Variants in TSHZ2 observed in about 807,000 individuals in gnomAD.
TSHZ2 encodes the protein teashirt homolog 2.
TSHZ2 carries 21 observed loss-of-function variants against 74.4 expected under a neutral mutation model. The ratio of observed to expected loss-of-function variants is 0.28; its 90% CI spans 0.20 to 0.41. The LOEUF is 0.41. Among genes scored for constraint, TSHZ2 ranks in the 10% least tolerant of loss-of-function variants. The probability of loss-of-function intolerance (pLI) is 1.00; values close to 1 mark genes in which losing one functional copy is unlikely to be tolerated. For missense variants in TSHZ2, 1,244 were observed against 1,293.5 expected, an observed-to-expected ratio of 0.96 and a Z score of 0.59; for synonymous variants, 540 against 515.3, an observed-to-expected ratio of 1.05 and a Z score of -0.65.
At chr20:53,274,707 C>A (rs954045591) in intron 2 of TSHZ2, among the ~76,000 whole-genome samples, 1 of 152,314 alleles carries the variant, frequency 6.6e-6, no homozygotes, top group South Asian at 2.1e-4. Flanking sequence ...ATGGTTGAAC[C>A]AATACGAGCA....
chr20:53,331,161 G>A (rs1979707333), intron 2 of TSHZ2, among the ~76,000 whole-genome samples: 1 of 152,228 alleles, frequency 6.6e-6, no homozygotes. Flanking sequence ...TTTGGGAGAA[G>A]TATGAATACA....
intron 1 of TSHZ2, among the ~76,000 whole-genome samples, chr20:53,227,221 T>A (rs1314370677): frequency 6.6e-6 from 1 of 151,978 alleles, no homozygotes; most frequent in Non-Finnish European, 1.5e-5. Flanking sequence ...TCCTAGGAAA[T>A]ACTTCAAAGT....
chr20:53,181,911 T>C (rs1341447747), intron 1 of TSHZ2, among the ~76,000 whole-genome samples: 2 of 152,130 alleles, frequency 1.3e-5, no homozygotes, highest in African/African-American at 4.8e-5. Context: ...AGACTGAATT[T>C]AGCAAAACAT....
chr20:53,469,753 A>C (rs1040202178), intron 2 of TSHZ2, among the ~76,000 whole-genome samples: 1 of 118,540 alleles, frequency 8.4e-6, no homozygotes, highest in African/African-American at 3.2e-5. Context: ...AGGACCCAAG[A>C]AAGATAGAGA....
At chr20:53,337,125 T>C (rs1424396441) in intron 2 of TSHZ2, among the ~76,000 whole-genome samples, 1 of 152,224 alleles carries the variant, frequency 6.6e-6, no homozygotes, top group Non-Finnish European at 1.5e-5. Flanking sequence ...AGCTCACAGA[T>C]AGGAGCTGAA....
chr20:53,148,741 G>A (rs1415035328), intron 1 of TSHZ2, among the ~76,000 whole-genome samples: 1 of 152,124 alleles, frequency 6.6e-6, no homozygotes, highest in Non-Finnish European at 1.5e-5. Context: ...AACATAAAAG[G>A]CAGGTTATTA....
At chr20:53,294,313 C>T (rs957347037) in intron 2 of TSHZ2, among the ~76,000 whole-genome samples, 2 of 152,184 alleles carry the variant, frequency 1.3e-5, no homozygotes, top group African/African-American at 2.4e-5. Context: ...GCTTGATTTA[C>T]TAGTTGAGAT....
chr20:53,290,177 G>T (rs929260047), intron 2 of TSHZ2, among the ~76,000 whole-genome samples: 1 of 151,938 alleles, frequency 6.6e-6, no homozygotes, highest in Non-Finnish European at 1.5e-5. Context: ...TCAACAGGAC[G>T]TGCTCTCTTC....
At chr20:53,099,306 T>A (rs1367401960) in intron 1 of TSHZ2, among the ~76,000 whole-genome samples, 2 of 152,176 alleles carry the variant, frequency 1.3e-5, no homozygotes, top group African/African-American at 4.8e-5. Context: ...TAAACCCTAT[T>A]ATTATTATCA....
At chr20:53,087,576 A>C (rs964366597) in intron 1 of TSHZ2, among the ~76,000 whole-genome samples, 2 of 152,212 alleles carry the variant, frequency 1.3e-5, no homozygotes, top group Non-Finnish European at 2.9e-5. Context: ...CGTTACTCAT[A>C]ATCATGCTTC....
At chr20:53,237,397 T>A (rs1408671675) in intron 1 of TSHZ2, among the ~76,000 whole-genome samples, 2 of 152,194 alleles carry the variant, frequency 1.3e-5, no homozygotes, top group Non-Finnish European at 2.9e-5. Flanking sequence ...TATTCTCTGG[T>A]CTTTCACTCC....
At chr20:53,086,959 T>C (rs1678971722) in intron 1 of TSHZ2, among the ~76,000 whole-genome samples, 2 of 152,048 alleles carry the variant, frequency 1.3e-5, no homozygotes, top group South Asian at 4.2e-4. Flanking sequence ...GCCAAGAAGA[T>C]GGTAGAGGAA....
chr20:53,470,077 G>C (rs905221308), intron 2 of TSHZ2, among the ~76,000 whole-genome samples: 5 of 152,140 alleles, frequency 3.3e-5, no homozygotes, highest in African/African-American at 7.2e-5. Flanking sequence ...GTTCTTTCTG[G>C]TTTATTTTGT....
chr20:53,203,721 T>C (rs1989068236), intron 1 of TSHZ2, among the ~76,000 whole-genome samples: 2 of 152,110 alleles, frequency 1.3e-5, no homozygotes. Context: ...GGAAAATAAA[T>C]TTTTATGCGA....
In TSHZ2 at chr20:53,352,646, C is replaced by G. The variant is rs142774835; in HGVS notation, c.*8+96075C>G. On this transcript the variant is annotated intron_variant, in intron 2 of 2. Transcript: ENST00000371497. ...AAAATTAACCAGGCAAGGTGGCACG[C>G]CCCTGTAATCCCAGCTACTCAAGAG... Among the ~76,000 whole-genome samples the G allele has an allele frequency of 7.7e-3, 1,174 of 151,934 alleles. 10 individuals are homozygous for G. The highest frequency in any genetic ancestry group is 0.027 in the African/African-American group (1,115 of 41,422).
intron 2 of TSHZ2, among the ~76,000 whole-genome samples, chr20:53,258,930 A>T (rs1394150833): frequency 6.6e-6 from 1 of 152,142 alleles, no homozygotes; most frequent in African/African-American, 2.4e-5. Context: ...AACAGAAAAG[A>T]TGGTGCAGGT....
rs750247246 is a variant in TSHZ2, at chr20:53,254,141, T to C, written c.683T>C (p.Val228Ala). 1.5e-5 allele frequency: 25 copies of C among 1,613,848 alleles called. No individual in the cohort carries two copies. The highest frequency in any genetic ancestry group is 1.9e-5 in the Non-Finnish European group (22 of 1,180,000). The change falls in exon 2 of 3, where the codon GTC (valine) becomes GCC (alanine). Residue 228 changes from valine (V) to alanine (A), a missense_variant. This residue lies in a region of TSHZ2 where 470 missense variants were observed against 456.5 expected (regional missense o/e 1.03). Coordinates refer to ENST00000371497, the MANE Select transcript of TSHZ2 (RefSeq NM_173485.6). ...RQCSAAYDTL[V>A]ELTVHMNETG... is the part of the protein sequence containing the mutation. ...TGCAGCGCGGCCTATGACACCCTAG[T>C]CGAGCTGACTGTGCACATGAATGAA...
intron 1 of TSHZ2, among the ~76,000 whole-genome samples, chr20:53,175,883 T>C (rs1988325657): frequency 6.6e-6 from 1 of 152,212 alleles, no homozygotes; most frequent in African/African-American, 2.4e-5. Flanking sequence ...TGTCCAGGTG[T>C]GGGGAATCCT....
chr20:53,478,517 T>TGA (rs1986050499), intron 2 of TSHZ2, among the ~76,000 whole-genome samples: 1 of 61,270 alleles, frequency 1.6e-5, no homozygotes, highest in Non-Finnish European at 3.0e-5. Context: ...TGTTGTAGGG[T>TGA]GGGGGGAGGG....
Sources: gnomAD v4.1 joint callset for allele counts (sites outside exome capture counted in the v4.1 genomes callset) on GRCh38, gnomAD v4.1.1 for gene constraint, gnomAD v4.1.1 regional missense constraint, MANE v1.5 for transcripts, NCBI Gene and HGNC (gene_info 2026-07-23, HGNC 2026-07-21) for gene names.